Variants in PKP3 observed in about 807,000 individuals in gnomAD.
PKP3 encodes the protein plakophilin-3.
A neutral mutation model predicts 76.5 loss-of-function variants in PKP3; 66 were observed. The ratio of observed to expected loss-of-function variants is 0.86; its 90% CI spans 0.71 to 1.06. PKP3 has a LOEUF of 1.06. Among genes scored for constraint, PKP3 ranks in the 50% least tolerant of loss-of-function variants. PKP3 has a pLI of 0.00. For missense variants in PKP3, 1,338 were observed against 1,141.0 expected (o/e 1.17, Z -2.49); for synonymous variants, 638 against 516.5 (o/e 1.24, Z -3.19).
At chr11:403,893 G>C (rs775451846) in intron 10 of PKP3, 50 bp from the exon 11 acceptor site, 3 of 1,562,298 alleles carry the variant, frequency 1.9e-6, no homozygotes, top group Non-Finnish European at 2.6e-6. Context: ...GACCCCAGGT[G>C]CCCAGGTGGC....
At chr11:400,310 G>A (rs1013583385) in intron 6 of PKP3, 24 bp from the exon 7 acceptor site, 8 of 1,524,602 alleles carry the variant, frequency 5.2e-6, no homozygotes, top group Non-Finnish European at 7.1e-6. Context: ...TCCCTGGGGG[G>A]CTCTGATCCA....
upstream of PKP3, among the ~76,000 whole-genome samples, chr11:392,915 GC>G (rs1846993916): frequency 6.6e-6 from 1 of 151,650 alleles, no homozygotes; most frequent in Admixed American, 6.6e-5. Context: ...CCAGACCCCT[GC>G]CCCAGCCCCA....
Position 394,422 on chromosome 11 carries a change from GC to G in PKP3, c.133del (p.Arg45AlafsTer54). ...EGPEAERLRA[A>X]RVQEQVRARL... ...GCCGGAGGCCGAGCGGCTGCGGGCA[GC>G]CCGCGTCCAGGAGCAGGTCCGCGCC... On this transcript the variant is annotated frameshift_variant, in exon 1 of 13. Coordinates refer to ENST00000331563, the MANE Select transcript of PKP3 (RefSeq NM_007183.4). LOFTEE classifies it high-confidence loss of function. The G allele has an allele frequency of 6.8e-7, 1 of 1,469,876 alleles. No homozygotes were observed. The highest frequency in any genetic ancestry group is 8.9e-7 in the Non-Finnish European group (1 of 1,118,926). 91.1% of individuals were successfully genotyped at this position (1,469,876 alleles called of 1,614,324 possible).
Position 400,897 on chromosome 11 carries a change from AC to A in PKP3, c.1737+197del, listed in dbSNP as rs1207542385. Among the ~76,000 whole-genome samples, 98 of 12,920 alleles carry A rather than the reference AC, an allele frequency of 7.6e-3. 17 individuals are homozygous for A. Among genetic ancestry groups the A allele is most frequent in the Middle Eastern group, 0.056 (1 of 18 alleles). The allele number at this position is 12,920 out of a possible 152,430, so 8.5% of individuals were successfully genotyped here. A position where few individuals can be genotyped will look rare whatever the true frequency, so the allele number is the denominator to read the frequency against. Reference sequence around the variant, plus strand: ...CGCCCCGCTCACCCCCGCCCCGCTCACCCCCGCCCCGCTCACCCCGGACCCC... The same window carrying A: ...CGCCCCGCTCACCCCCGCCCCGCTCACCCCGCCCCGCTCACCCCGGACCCC... On this transcript the variant is annotated intron_variant, in intron 8 of 12. Transcript: ENST00000331563.
rs781725608 is a variant in PKP3, at chr11:403,655, A to G, written c.1961A>G (p.Glu654Gly). The G allele has an allele frequency of 6.2e-7, 1 of 1,609,268 alleles. No individual in the cohort carries two copies. Among genetic ancestry groups the G allele is most frequent in the Non-Finnish European group, 8.5e-7 (1 of 1,179,772 alleles). Residue 654 changes from glutamate to glycine, a missense_variant, in exon 10 of 13, where the codon GAG becomes GGG. Transcript: ENST00000331563. ...CTGAGCCGCCTGGCCCTGGAGCAGG[A>G]GCGTATTCTGAACCCCCTGCTAGAC... ...GVLSRLALEQ[E>G]RILNPLLDRV...
At chr11:400,241 C>A in intron 6 of PKP3, 93 bp from the exon 7 acceptor site, 1 of 1,411,302 alleles carries the variant, frequency 7.1e-7, no homozygotes, top group African/African-American at 1.4e-5. Context: ...GCACGCCTCG[C>A]GCTGGGGATG....
upstream of PKP3, among the ~76,000 whole-genome samples, chr11:393,162 T>C (rs561036186): frequency 1.1e-3 from 160 of 148,388 alleles, no homozygotes; most frequent in African/African-American, 3.8e-3. Flanking sequence ...GCCCATTTGC[T>C]GGCTGTGGTG....
chr11:396,426 T>C, intron 1 of PKP3, 182 bp from the exon 2 acceptor site: 2 of 540,696 alleles, frequency 3.7e-6, no homozygotes, highest in Non-Finnish European at 6.5e-6. Flanking sequence ...AGGGCTGACA[T>C]GTGAGGAGAC....
chr11:394,111 C>T (rs1223759774), upstream of PKP3: 2 of 946,334 alleles, frequency 2.1e-6, no homozygotes, highest in Admixed American at 4.2e-5. Flanking sequence ...GCCCCTCCCT[C>T]CCACCTGGCC....
At chr11:396,465 GGCCCTGGTGCCCCCCTGGCCTCCCT>G in intron 1 of PKP3, 118 bp from the exon 2 acceptor site, 1 of 580,130 alleles carries the variant, frequency 1.7e-6, no homozygotes, top group Non-Finnish European at 3.0e-6. Flanking sequence ...GGGAGGCACT[GGCCCTGGTGCCCCCCTGGCCTCCCT>G]GCCCTGGATT....
In PKP3 at chr11:397,200, G is replaced by A; in HGVS notation, c.699G>A (p.Glu233=). 6.3e-7 allele frequency: 1 copy of A among 1,598,608 alleles called. No individual in the cohort carries two copies. Among genetic ancestry groups the A allele is most frequent in the South Asian group, 1.1e-5 (1 of 90,984 alleles). ...GGGCAGGGGGGCTGGACTGGCCCGA[G>A]GCCACTGAGGTTTCCCCGAGCCGGA... is the stretch of plus-strand genomic sequence containing the variant. ...SSRAGGLDWP[E]ATEVSPSRTI... The change falls in exon 3 of 13, where the codon GAG becomes GAA. Residue 233 remains glutamate, a synonymous_variant. Coordinates refer to ENST00000331563, the MANE Select transcript of PKP3 (RefSeq NM_007183.4).
Position 403,198 on chromosome 11 carries a change from C to T in PKP3, c.1858C>T (p.Leu620Phe), listed in dbSNP as rs746831419. Residue 620 changes from leucine to phenylalanine, a missense_variant, in exon 9 of 13, where the codon CTC (leucine) becomes TTC (phenylalanine). Leu to Phe is a conservative substitution (Grantham distance 22). Coordinates refer to ENST00000331563, the MANE Select transcript of PKP3 (RefSeq NM_007183.4). ...CAACCGGCTGCTGCAGCGCTGCGAG[C>T]TCAACCGGCACACGACGGAGGCGGC... ...LYNRLLQRCELNRHTTEAAAG... is the reference protein window; with the variant it reads ...LYNRLLQRCEFNRHTTEAAAG... 1.9e-6 allele frequency: 3 copies of T among 1,591,058 alleles called. No individual in the cohort carries two copies. Among genetic ancestry groups the T allele is most frequent in the African/African-American group, 2.7e-5 (2 of 74,116 alleles).
chr11:395,142 C>T (rs539199839), intron 1 of PKP3, among the ~76,000 whole-genome samples: 12 of 152,182 alleles, frequency 7.9e-5, no homozygotes, highest in Non-Finnish European at 1.3e-4. Context: ...GCCCCACTCA[C>T]GCGAGTGTGT....
chr11:403,308 C>T lies in PKP3; in HGVS notation c.1923+45C>T, dbSNP rs766979792. 18 of 1,357,636 alleles carry T rather than the reference C, an allele frequency of 1.3e-5. 1 individual carries two copies. The highest frequency in any genetic ancestry group is 6.5e-5 in the South Asian group (5 of 77,182). The allele number at this position is 1,357,636 out of a possible 1,614,324, so 84.1% of individuals were successfully genotyped here. On this transcript the variant is annotated intron_variant, in intron 9 of 12. Coordinates refer to ENST00000331563, the MANE Select transcript of PKP3 (RefSeq NM_007183.4). The stretch of plus-strand genomic sequence containing the variant: ...CCCGAGGGGGTCCCAGGGGTTCATG[C>T]GGTTGAGGGGGGGACAGAGGAGGGA...
At chr11:392,806 AC>A, upstream of PKP3, 1 of 516,748 alleles carries the variant, frequency 1.9e-6, no homozygotes, top group Non-Finnish European at 3.3e-6. Context: ...TCCCCCTTTA[AC>A]CCCCCACGCT....
rs767158845 is a variant in PKP3, at chr11:398,977, T to C, written c.1069-15T>C. 6.5e-7 allele frequency: 1 copy of C among 1,547,580 alleles called. No homozygotes were observed. The highest frequency in any genetic ancestry group is 2.3e-5 in the East Asian group (1 of 43,912). ...CCACATGCGTCTGTGCACCCCCATA[T>C]GCCTGTGCCCGCAGGCCCGCAGCCT... On this transcript the variant is annotated splice_polypyrimidine_tract_variant and intron_variant, in intron 4 of 12. Transcript: ENST00000331563.
At position 397,311 on chromosome 11, in the gene PKP3, C is replaced by T. The variant is rs1197333582; in HGVS notation, c.810C>T (p.Ala270=). 1.3e-5 allele frequency: 20 copies of T among 1,590,706 alleles called. No individual in the cohort carries two copies. Among genetic ancestry groups the T allele is most frequent in the African/African-American group, 2.7e-5 (2 of 74,572 alleles). ...SRGVGGAVPG[A]VLEPVARAPS... ...GGGTAGGCGGGGCAGTGCCGGGGGC[C>T]GTCCTGGAGCCAGTGGCTCGAGCGC... Residue 270 remains alanine, a synonymous_variant, in exon 3 of 13, where the codon GCC becomes GCT. Coordinates refer to ENST00000331563, the MANE Select transcript of PKP3 (RefSeq NM_007183.4).
At position 404,451 on chromosome 11, in the gene PKP3, C is replaced by T. The variant is rs774001243; in HGVS notation, c.2359-83C>T. ...CCAGAGAGGAAGGGTCCGGGCCACACCCAGCACACTGCAGGAGGGACAGCG... is the reference window on the plus strand; with the variant it reads ...CCAGAGAGGAAGGGTCCGGGCCACATCCAGCACACTGCAGGAGGGACAGCG... On this transcript the variant is annotated intron_variant, in intron 12 of 12. Coordinates refer to ENST00000331563, the MANE Select transcript of PKP3 (RefSeq NM_007183.4). The surrounding 1 kb of genome is among the most constrained non-coding windows in gnomAD (Gnocchi z 4.2). 1 of 1,522,226 alleles carries T rather than the reference C, an allele frequency of 6.6e-7. No homozygotes were observed. 94.3% of individuals were successfully genotyped at this position (1,522,226 alleles called of 1,614,324 possible).
chr11:392,809 C>A (rs1590349922), upstream of PKP3: 2 of 527,402 alleles, frequency 3.8e-6, no homozygotes, highest in Admixed American at 2.4e-5. Flanking sequence ...CCCTTTAACC[C>A]CCCACGCTGA....
Sources: gnomAD v4.1 joint callset for allele counts (sites outside exome capture counted in the v4.1 genomes callset) on GRCh38, gnomAD v4.1.1 for gene constraint, Gnocchi (gnomAD v3.1) non-coding constraint, MANE v1.5 for transcripts, NCBI Gene and HGNC (gene_info 2026-07-23, HGNC 2026-07-21) for gene names.